ERO1A: variants seen among roughly 807,000 people sequenced by gnomAD.
The protein encoded by ERO1A is endoplasmic reticulum oxidoreductase 1 alpha.
ERO1A carries 49 observed loss-of-function variants against 76.9 expected under a neutral mutation model. The ratio of observed to expected loss-of-function variants is 0.64; its 90% CI spans 0.51 to 0.81. The LOEUF is 0.81. Ranked by LOEUF, ERO1A falls within the 30% of genes least tolerant of loss-of-function variation. The pLI is 0.00. For synonymous variants in ERO1A, 174 were observed against 181.2 expected, an observed-to-expected ratio of 0.96 and a Z score of 0.32; for missense variants, 448 against 542.1, an observed-to-expected ratio of 0.83 and a Z score of 1.72.
intron 13 of ERO1A, among the ~76,000 whole-genome samples, chr14:52,648,171 C>T (rs1306384198): frequency 6.7e-6 from 1 of 149,590 alleles, no homozygotes; most frequent in African/African-American, 2.5e-5. Context: ...AGTACCTGTA[C>T]AGTAAGAGGT....
At position 52,653,100 on chromosome 14, in the gene ERO1A, T is replaced by A. The variant is rs777391697; in HGVS notation, c.1024A>T (p.Met342Leu). The change falls in exon 12 of 16, where the codon ATG becomes TTG. Residue 342 changes from methionine to leucine, a missense_variant. By Grantham distance (15) the Met-to-Leu change is conservative. This residue lies in a region of ERO1A where 302 missense variants were observed against 411.9 expected (regional missense o/e 0.73). Transcript: ENST00000395686. ...GNKIQDEENK[M>L]LLLEILHEIK... ...TCATGAAGTATTTCCAGAAGTAACA[T>A]TTTGTTTTCCTCATCCTGAATTTTA... 6.4e-7 allele frequency: 1 copy of A among 1,562,880 alleles called. No homozygotes were observed. The highest frequency in any genetic ancestry group is 1.1e-5 in the South Asian group (1 of 89,858).
chr14:52,676,377 T>C (rs1414579529), intron 4 of ERO1A, among the ~76,000 whole-genome samples: 1 of 152,228 alleles, frequency 6.6e-6, no homozygotes, highest in South Asian at 2.1e-4. Context: ...CCATGTAATT[T>C]CACAGGTTTC....
At position 52,684,150 on chromosome 14, in the gene ERO1A, C is replaced by CACACACACAG. The variant is rs879218530; in HGVS notation, c.115-244_115-243insCTGTGTGTGT. Among the ~76,000 whole-genome samples, 1,127 of 139,342 alleles carry CACACACACAG rather than the reference C, an allele frequency of 8.1e-3. 9 individuals carry two copies. The highest frequency in any genetic ancestry group is 0.05 in the South Asian group (217 of 4,324). 91.4% of individuals were successfully genotyped at this position (139,342 alleles called of 152,430 possible). A position where few individuals can be genotyped will look rare whatever the true frequency, so the allele number is the denominator to read the frequency against. On this transcript the variant is annotated intron_variant, in intron 1 of 15. Transcript: ENST00000395686. ...ACACACACACACACACACACACACA[C>CACACACACAG]AGAGAGAGTTGGCCCCCTGGCAACC...
Position 52,652,255 on chromosome 14 carries a change from T to C in ERO1A, c.1109A>G (p.Glu370Gly), listed in dbSNP as rs781494554. 1 of 1,606,652 alleles carries C rather than the reference T, an allele frequency of 6.2e-7. No individual in the cohort carries two copies. The highest frequency in any genetic ancestry group is 1.3e-5 in the African/African-American group (1 of 74,898). Residue 370 changes from glutamate to glycine, a missense_variant, in exon 13 of 16, where the codon GAA becomes GGA. Physicochemically the swap from Glu to Gly is moderately conservative, Grantham distance 98. This residue lies in a region of ERO1A where 302 missense variants were observed against 411.9 expected (regional missense o/e 0.73). Transcript: ENST00000395686. ...AGTAATTACCTTTAGTTTGTGTGCT[T>C]CTTTTTTATCCCCAGCAAAAAATGA... ...ENSFFAGDKK[E>G]AHKLKEDFRL...
chr14:52,690,888 C>T (rs752792775), intron 1 of ERO1A, among the ~76,000 whole-genome samples: 1 of 152,146 alleles, frequency 6.6e-6, no homozygotes, highest in African/African-American at 2.4e-5. Context: ...CTGCCTCAGC[C>T]TCCTGAGTAG....
intron 13 of ERO1A, among the ~76,000 whole-genome samples, chr14:52,651,982 CT>C (rs1219348140): frequency 2.7e-5 from 4 of 150,664 alleles, no homozygotes; most frequent in African/African-American, 9.8e-5. Flanking sequence ...CATCATTCTA[CT>C]CTCTACTTTT....
At chr14:52,647,029 T>A (rs1946411467) in intron 13 of ERO1A, 1 of 128,764 alleles carries the variant, frequency 7.8e-6, no homozygotes, top group Admixed American at 9.5e-5. Context: ...CAAGCTGGAG[T>A]GCAGTGGGGG....
At chr14:52,650,022 G>A (rs1304564841) in intron 13 of ERO1A, among the ~76,000 whole-genome samples, 10 of 152,024 alleles carry the variant, frequency 6.6e-5, no homozygotes, top group Non-Finnish European at 1.5e-4. Flanking sequence ...TTCAAGACCA[G>A]CCTGGGCAAC....
At chr14:52,680,697 C>T (rs1038098830) in intron 3 of ERO1A, among the ~76,000 whole-genome samples, 2 of 152,112 alleles carry the variant, frequency 1.3e-5, no homozygotes, top group African/African-American at 4.8e-5. Flanking sequence ...AAAATGTTTA[C>T]ACTGTTAATA....
At chr14:52,688,801 C>T (rs1261422138) in intron 1 of ERO1A, among the ~76,000 whole-genome samples, 3 of 152,138 alleles carry the variant, frequency 2.0e-5, no homozygotes, top group African/African-American at 7.2e-5. Context: ...TACCACGTAC[C>T]GCTTGTTCAC....
intron 6 of ERO1A, among the ~76,000 whole-genome samples, chr14:52,671,291 T>C (rs866727811): frequency 4.6e-5 from 7 of 152,362 alleles, no homozygotes; most frequent in South Asian, 4.1e-4. Flanking sequence ...ATAATGAACA[T>C]TGCTTTGCCA....
intron 11 of ERO1A, among the ~76,000 whole-genome samples, chr14:52,655,228 G>A (rs983207421): frequency 3.3e-5 from 5 of 152,130 alleles, no homozygotes; most frequent in African/African-American, 1.2e-4. Context: ...AGCCGGGCGT[G>A]GTGGCACATG....
chr14:52,666,987 A>G (rs1338885154), intron 6 of ERO1A, among the ~76,000 whole-genome samples: 2 of 152,152 alleles, frequency 1.3e-5, no homozygotes, highest in Non-Finnish European at 2.9e-5. Flanking sequence ...AATTGTACAC[A>G]CTGGCTACAA....
At chr14:52,646,640 A>G in intron 13 of ERO1A, 179 bp from the exon 14 acceptor site, 1 of 497,564 alleles carries the variant, frequency 2.0e-6, no homozygotes, top group Non-Finnish European at 3.5e-6. Context: ...ATCTCATTTA[A>G]TCTTCACCAC....
In ERO1A at chr14:52,652,370, TA is replaced by T. The variant is rs1432812966; in HGVS notation, c.1056-63del. The T allele has an allele frequency of 1.5e-5, 16 of 1,040,976 alleles. No individual in the cohort carries two copies. The East Asian group carries it at 3.8e-4, about 25-fold the overall frequency. The allele number at this position is 1,040,976 out of a possible 1,614,324, so 64.5% of individuals were successfully genotyped here. Reference sequence around the variant, plus strand: ...TTATAAATATTAAAAGTCCTGCTAATACAACATTTTACTGGTCATGATAAAT... The same window carrying T: ...TTATAAATATTAAAAGTCCTGCTAATCAACATTTTACTGGTCATGATAAAT... On this transcript the variant is annotated intron_variant, in intron 12 of 15. Coordinates refer to ENST00000395686, the MANE Select transcript of ERO1A (RefSeq NM_014584.3).
intron 8 of ERO1A, among the ~76,000 whole-genome samples, chr14:52,662,192 A>G (rs536534727): frequency 1.3e-5 from 2 of 152,146 alleles, no homozygotes; most frequent in African/African-American, 4.8e-5. Flanking sequence ...AATTGTTCCT[A>G]TGTATCTTTA....
intron 8 of ERO1A, 30 bp from the exon 9 acceptor site, chr14:52,661,334 A>AT (rs753467106): frequency 2.8e-6 from 4 of 1,417,860 alleles, no homozygotes; most frequent in Admixed American, 2.4e-5. Context: ...GTTTATTAAA[A>AT]TAAATTCCTT....
Position 52,667,741 on chromosome 14 carries a change from T to A in ERO1A, c.509-1246A>T, listed in dbSNP as rs984697612. ...TGTCTCAAAAAAAGATGGGCCATAGTCCTCCAGTGGCTTTGGGAAATTATT... is the reference window on the plus strand; with the variant it reads ...TGTCTCAAAAAAAGATGGGCCATAGACCTCCAGTGGCTTTGGGAAATTATT... On this transcript the variant is annotated intron_variant, in intron 6 of 15. Transcript: ENST00000395686. Among the ~76,000 whole-genome samples, 3 of 152,004 alleles carry A rather than the reference T, an allele frequency of 2.0e-5. No individual in the cohort carries two copies. In the East Asian group the frequency reaches 5.8e-4, roughly 29 times the overall value.
intron 1 of ERO1A, among the ~76,000 whole-genome samples, chr14:52,686,992 G>A (rs956050261): frequency 6.6e-6 from 1 of 152,178 alleles, no homozygotes; most frequent in Non-Finnish European, 1.5e-5. Flanking sequence ...TTCAATGGAT[G>A]AAGACAGCTC....
Sources: gnomAD v4.1 joint callset for allele counts (sites outside exome capture counted in the v4.1 genomes callset) on GRCh38, gnomAD v4.1.1 for gene constraint, gnomAD v4.1.1 regional missense constraint, MANE v1.5 for transcripts, NCBI Gene and HGNC (gene_info 2026-07-23, HGNC 2026-07-21) for gene names.